Variants in NUB1 observed in about 807,000 individuals in gnomAD.
The protein encoded by NUB1 is NEDD8 ultimate buster 1.
NUB1 carries 41 observed loss-of-function variants against 77.1 expected under a neutral mutation model. The observed-to-expected ratio is 0.53, with a 90% confidence interval of 0.41 to 0.69. The LOEUF (loss-of-function observed/expected upper bound fraction) is 0.69, where lower values mean the gene tolerates loss of function less well. NUB1 is among the 30% of genes least tolerant of loss of function. The probability of loss-of-function intolerance (pLI) is 0.00; values close to 1 mark genes in which losing one functional copy is unlikely to be tolerated. For missense variants in NUB1, 643 were observed against 743.8 expected (o/e 0.86, Z 1.58); for synonymous variants, 257 against 281.0 (o/e 0.91, Z 0.85).
intron 8 of NUB1, among the ~76,000 whole-genome samples, chr7:151,364,469 A>G (rs935383324): frequency 1.3e-5 from 2 of 151,812 alleles, no homozygotes; most frequent in African/African-American, 2.4e-5. Flanking sequence ...AAACTGTAAG[A>G]CAAACATAAT....
intron 7 of NUB1, 46 bp downstream of exon 7, chr7:151,356,268 A>T: frequency 7.1e-7 from 1 of 1,412,544 alleles, no homozygotes; most frequent in Non-Finnish European, 1.0e-6. Flanking sequence ...ATTTGTTGTC[A>T]GGGCAGAGGT....
intron 3 of NUB1, among the ~76,000 whole-genome samples, chr7:151,350,423 G>A (rs902734332): frequency 2.0e-5 from 3 of 152,070 alleles, no homozygotes; most frequent in South Asian, 2.1e-4. Flanking sequence ...GCTAAGTAAC[G>A]AGGGCCTTTC....
chr7:151,373,842 C>T (rs1165357274), intron 11 of NUB1, among the ~76,000 whole-genome samples: 3 of 152,150 alleles, frequency 2.0e-5, no homozygotes, highest in East Asian at 1.9e-4. Context: ...GCGGGGCTGG[C>T]GAGGCACCTC....
intron 9 of NUB1, among the ~76,000 whole-genome samples, 195 bp downstream of exon 9, chr7:151,367,320 T>G (rs555126363): frequency 6.6e-6 from 1 of 152,354 alleles, no homozygotes; most frequent in African/African-American, 2.4e-5. Context: ...ACTTAGCGTG[T>G]GAGCATTTAG....
chr7:151,367,882 G>T lies in NUB1; in HGVS notation c.1009G>T (p.Val337Leu). Residue 337 changes from valine to leucine, a missense_variant, in exon 10 of 15, where the codon GTA becomes TTA. Val to Leu is a conservative substitution (Grantham distance 32). Coordinates refer to ENST00000568733, the MANE Select transcript of NUB1 (RefSeq NM_001243351.2). ...HIKGNCGKEKVLFLRLYLLQG... is the reference protein window; with the variant it reads ...HIKGNCGKEKLLFLRLYLLQG... Reference sequence around the variant, plus strand: ...TTAGGGAAATTGTGGGAAAGAGAAGGTACTGTTTCTAAGACTCTACTTACT... The same window carrying T: ...TTAGGGAAATTGTGGGAAAGAGAAGTTACTGTTTCTAAGACTCTACTTACT... 6.3e-7 allele frequency: 1 copy of T among 1,597,884 alleles called. No individual in the cohort carries two copies. The highest frequency in any genetic ancestry group is 1.1e-5 in the South Asian group (1 of 87,872).
intron 12 of NUB1, 130 bp downstream of exon 12, chr7:151,374,373 C>A: frequency 8.3e-7 from 1 of 1,212,066 alleles, no homozygotes; most frequent in Non-Finnish European, 1.2e-6. Flanking sequence ...ATCTGAAGGG[C>A]AGGTTTCTCC....
chr7:151,358,478 T>G (rs1797193286), intron 7 of NUB1, among the ~76,000 whole-genome samples: 1 of 152,194 alleles, frequency 6.6e-6, no homozygotes, highest in Admixed American at 6.5e-5. Flanking sequence ...CTCCACCTCC[T>G]GTCAGATCAG....
At chr7:151,363,817 G>A (rs550239140) in intron 8 of NUB1, among the ~76,000 whole-genome samples, 7 of 151,644 alleles carry the variant, frequency 4.6e-5, no homozygotes, top group Non-Finnish European at 8.8e-5. Flanking sequence ...TCACTCTGTC[G>A]CCCAGGCTGT....
At position 151,348,569 on chromosome 7, in the gene NUB1, CTT is replaced by C. The variant is rs59781719; in HGVS notation, c.118-481_118-480del. Among the ~76,000 whole-genome samples the C allele has an allele frequency of 8.9e-3, 620 of 69,908 alleles. 3 individuals are homozygous for C. The highest frequency in any genetic ancestry group is 0.034 in the African/African-American group (579 of 16,890). 45.9% of individuals were successfully genotyped at this position (69,908 alleles called of 152,430 possible). On this transcript the variant is annotated intron_variant, in intron 2 of 14. Transcript: ENST00000568733. Reference sequence around the variant, plus strand: ...AAATGTTTTTGTTTTTTGCTTTTTGCTTTTTTTTTTTTTTTTTTTTTTTTGAG... The same window carrying C: ...AAATGTTTTTGTTTTTTGCTTTTTGCTTTTTTTTTTTTTTTTTTTTTTGAG...
At position 151,368,746 on chromosome 7, in the gene NUB1, C is replaced by T. The variant is rs1797819802; in HGVS notation, c.1107C>T (p.Leu369=). The T allele has an allele frequency of 6.2e-7, 1 of 1,609,264 alleles. No homozygotes were observed. The highest frequency in any genetic ancestry group is 8.5e-7 in the Non-Finnish European group (1 of 1,177,818). ...AYEYLNKARQ[L]FKELYIDPSK... ...TTCCCTGTCTCTAGGCACGTCAGCT[C>T]TTTAAAGAGCTATATATTGATCCAT... is the stretch of plus-strand genomic sequence containing the variant. The change falls in exon 11 of 15, where the codon CTC becomes CTT. Residue 369 remains leucine, a synonymous_variant. Coordinates refer to ENST00000568733, the MANE Select transcript of NUB1 (RefSeq NM_001243351.2).
intron 8 of NUB1, among the ~76,000 whole-genome samples, chr7:151,361,621 C>G (rs1378066711): frequency 6.6e-6 from 1 of 152,188 alleles, no homozygotes; most frequent in Non-Finnish European, 1.5e-5. Flanking sequence ...AACTTCTTTT[C>G]TGTTTTGGTG....
intron 4 of NUB1, chr7:151,352,398 C>A: frequency 3.6e-6 from 1 of 278,804 alleles, no homozygotes; most frequent in Non-Finnish European, 7.2e-6. Flanking sequence ...CTGGGTGTTT[C>A]TGATAAAATG....
chr7:151,344,956 C>T (rs975198884), intron 1 of NUB1, among the ~76,000 whole-genome samples: 12 of 152,220 alleles, frequency 7.9e-5, no homozygotes, highest in Non-Finnish European at 1.6e-4. Context: ...GCCGAGATCG[C>T]ACCACTGCAC....
At chr7:151,352,996 C>A in intron 5 of NUB1, 114 bp downstream of exon 5, 1 of 606,194 alleles carries the variant, frequency 1.6e-6, no homozygotes, top group Non-Finnish European at 2.9e-6. Context: ...ATTTATAATC[C>A]AAAAGTGATT....
chr7:151,354,985 C>T (rs1469015301), intron 5 of NUB1, among the ~76,000 whole-genome samples: 1 of 152,204 alleles, frequency 6.6e-6, no homozygotes, highest in Non-Finnish European at 1.5e-5. Flanking sequence ...CTCAAGTGAT[C>T]CACCTGCCTC....
chr7:151,345,585 G>A (rs1796467226), intron 2 of NUB1, 119 bp downstream of exon 2: 1 of 546,616 alleles, frequency 1.8e-6, no homozygotes, highest in Non-Finnish European at 3.2e-6. Flanking sequence ...CATTAGTGGT[G>A]AGCGGGTACC....
chr7:151,360,574 C>T (rs1278707015), intron 8 of NUB1: 3 of 217,456 alleles, frequency 1.4e-5, no homozygotes, highest in East Asian at 1.0e-4. Context: ...ATGATTATTC[C>T]TCAAATCCGT....
intron 11 of NUB1, among the ~76,000 whole-genome samples, chr7:151,373,511 T>C (rs1340765859): frequency 6.6e-6 from 1 of 152,216 alleles, no homozygotes; most frequent in Non-Finnish European, 1.5e-5. Flanking sequence ...AGAGGTTAGA[T>C]GACCTTTGTC....
intron 8 of NUB1, among the ~76,000 whole-genome samples, chr7:151,362,448 G>C (rs182790488): frequency 1.8e-4 from 28 of 152,286 alleles, no homozygotes; most frequent in African/African-American, 6.3e-4. Context: ...AAGTAAGCTA[G>C]AAGTTTTGTC....
Sources: gnomAD v4.1 joint callset for allele counts (sites outside exome capture counted in the v4.1 genomes callset) on GRCh38, gnomAD v4.1.1 for gene constraint, MANE v1.5 for transcripts, NCBI Gene and HGNC (gene_info 2026-07-23, HGNC 2026-07-21) for gene names.